Variants in ROBO2 observed in about 807,000 individuals in gnomAD.
ROBO2 encodes roundabout homolog 2.
A neutral mutation model predicts 160.8 loss-of-function variants in ROBO2; 53 were observed. The observed-to-expected ratio is 0.33, with a 90% CI of 0.26 to 0.41. The LOEUF is 0.41. Among genes scored for constraint, ROBO2 ranks in the 10% least tolerant of loss-of-function variants. The probability of loss-of-function intolerance (pLI) is 1.00; values close to 1 mark genes in which losing one functional copy is unlikely to be tolerated. For missense variants in ROBO2, 1,577 were observed against 1,722.4 expected (o/e 0.92, Z 1.49); for synonymous variants, 664 against 611.7 (o/e 1.09, Z -1.26).
intron 2 of ROBO2, among the ~76,000 whole-genome samples, chr3:76,648,981 A>G (rs1442185932): frequency 1.3e-5 from 2 of 152,148 alleles, no homozygotes; most frequent in Non-Finnish European, 2.9e-5. Flanking sequence ...CCTCTAAGTC[A>G]AATATTTTGT....
chr3:76,065,897 C>T (rs982811069), intron 2 of ROBO2, among the ~76,000 whole-genome samples: 3 of 151,820 alleles, frequency 2.0e-5, no homozygotes, highest in African/African-American at 7.3e-5. Flanking sequence ...AATTGTTCAT[C>T]CCATGGCAGT....
chr3:76,836,917 G>A (rs1456477361), intron 2 of ROBO2, among the ~76,000 whole-genome samples: 2 of 151,758 alleles, frequency 1.3e-5, no homozygotes, highest in Admixed American at 6.6e-5. Context: ...GACGTTACTT[G>A]CATCTTATAT....
chr3:77,360,821 A>G (rs1010910484), intron 2 of ROBO2, among the ~76,000 whole-genome samples: 2 of 151,908 alleles, frequency 1.3e-5, no homozygotes, highest in African/African-American at 2.4e-5. Context: ...CTTTCATCTG[A>G]CCACATTCTA....
intron 2 of ROBO2, among the ~76,000 whole-genome samples, chr3:76,130,100 G>T (rs1302898103): frequency 6.6e-6 from 1 of 152,034 alleles, no homozygotes; most frequent in Non-Finnish European, 1.5e-5. Context: ...TTTTGAAAAG[G>T]ATGTGGAGAG....
At chr3:76,489,234 G>A (rs1387802115) in intron 2 of ROBO2, among the ~76,000 whole-genome samples, 4 of 149,676 alleles carry the variant, frequency 2.7e-5, no homozygotes, top group Admixed American at 1.3e-4. Flanking sequence ...TGTTTGTAAT[G>A]GATGTGTTTT....
chr3:76,682,596 C>T (rs369424169), intron 2 of ROBO2, among the ~76,000 whole-genome samples: 3 of 152,014 alleles, frequency 2.0e-5, no homozygotes, highest in Admixed American at 1.3e-4. Flanking sequence ...TTAGTAGAGA[C>T]GGGATTTCAC....
chr3:76,911,757 A>G (rs1017843286), intron 2 of ROBO2, among the ~76,000 whole-genome samples: 30 of 152,144 alleles, frequency 2.0e-4, no homozygotes, highest in African/African-American at 6.8e-4. Context: ...GTAGATATCA[A>G]AAGGTTCTAT....
intron 2 of ROBO2, among the ~76,000 whole-genome samples, chr3:76,198,628 CT>C (rs1288244049): frequency 6.6e-5 from 10 of 152,118 alleles, no homozygotes; most frequent in African/African-American, 2.2e-4. Context: ...ACTCTAGCAC[CT>C]TTTAAAGGTC....
intron 12 of ROBO2, among the ~76,000 whole-genome samples, chr3:77,566,715 T>A (rs2093492574): frequency 6.6e-6 from 1 of 152,034 alleles, no homozygotes; most frequent in Non-Finnish European, 1.5e-5. Flanking sequence ...GAAAAGTTGT[T>A]TGTGGTCTGG....
At chr3:76,918,082 C>T (rs559497233) in intron 2 of ROBO2, among the ~76,000 whole-genome samples, 3 of 152,184 alleles carry the variant, frequency 2.0e-5, no homozygotes, top group Non-Finnish European at 4.4e-5. Context: ...AGAAAAAGTA[C>T]AGTTAAAAGT....
chr3:77,226,850 A>G (rs995584991), intron 2 of ROBO2, among the ~76,000 whole-genome samples: 2 of 152,184 alleles, frequency 1.3e-5, no homozygotes, highest in Non-Finnish European at 2.9e-5. Flanking sequence ...ACGGTTGTAC[A>G]GGTGCTCAAA....
At chr3:76,744,914 G>A (rs1408400587) in intron 2 of ROBO2, among the ~76,000 whole-genome samples, 2 of 152,106 alleles carry the variant, frequency 1.3e-5, no homozygotes, top group African/African-American at 4.8e-5. Flanking sequence ...TTTTTCCCCT[G>A]AAAGTGTTCA....
At chr3:75,955,582 A>G (rs59709874) in intron 2 of ROBO2, among the ~76,000 whole-genome samples, 5,333 of 151,770 alleles carry the variant, frequency 0.035, 324 homozygotes, top group African/African-American at 0.12. Context: ...ATGTATACAT[A>G]TGTAACAAAC....
chr3:77,402,275 G>C (rs1007813359), intron 2 of ROBO2, among the ~76,000 whole-genome samples: 1 of 152,050 alleles, frequency 6.6e-6, no homozygotes, highest in East Asian at 1.9e-4. Flanking sequence ...ATCACACACC[G>C]GGGCCTGTCT....
chr3:77,044,177 A>C (rs2064385797), intron 1 of ROBO2, among the ~76,000 whole-genome samples: 1 of 151,906 alleles, frequency 6.6e-6, no homozygotes, highest in South Asian at 2.1e-4. Flanking sequence ...AAAAAAAAAA[A>C]GTAATGATTA....
chr3:77,138,654 T>C (rs1415391096), intron 2 of ROBO2, among the ~76,000 whole-genome samples: 1 of 149,278 alleles, frequency 6.7e-6, no homozygotes, highest in Non-Finnish European at 1.5e-5. Context: ...TAAAACGTTT[T>C]TCCTGTTTAT....
intron 2 of ROBO2, among the ~76,000 whole-genome samples, chr3:77,140,813 A>G (rs1349521483): frequency 6.6e-6 from 1 of 152,218 alleles, no homozygotes; most frequent in Non-Finnish European, 1.5e-5. Flanking sequence ...TTTTATTACA[A>G]ATACTTTTTA....
chr3:76,257,881 GTGTT>G (rs963777331), intron 2 of ROBO2, among the ~76,000 whole-genome samples: 1 of 152,166 alleles, frequency 6.6e-6, no homozygotes, highest in Non-Finnish European at 1.5e-5. Context: ...ATAGAACAAT[GTGTT>G]TGAAAGAAAT....
intron 2 of ROBO2, among the ~76,000 whole-genome samples, chr3:76,009,613 G>A (rs991139144): frequency 1.3e-5 from 2 of 152,076 alleles, no homozygotes; most frequent in African/African-American, 4.8e-5. Flanking sequence ...GAAAATCTTA[G>A]GAATGAAATA....
Sources: gnomAD v4.1 joint callset for allele counts (sites outside exome capture counted in the v4.1 genomes callset) on GRCh38, gnomAD v4.1.1 for gene constraint, MANE v1.5 for transcripts, NCBI Gene and HGNC (gene_info 2026-07-23, HGNC 2026-07-21) for gene names.